PLB1: variants seen among roughly 807,000 people sequenced by gnomAD.
PLB1 encodes phospholipase B1.
A neutral mutation model predicts 227.4 loss-of-function variants in PLB1; 242 were observed. The observed-to-expected ratio is 1.06, with a 90% CI of 0.96 to 1.18. PLB1 has a LOEUF of 1.18. Among genes scored for constraint, PLB1 ranks in the 50% most tolerant of loss-of-function variants. The pLI is 0.00. For synonymous variants in PLB1, 757 were observed against 682.2 expected, an observed-to-expected ratio of 1.11 and a Z score of -1.71; for missense variants, 1,858 against 1,816.3, an observed-to-expected ratio of 1.02 and a Z score of -0.42.
intron 17 of PLB1, among the ~76,000 whole-genome samples, chr2:28,561,103 T>TAGC (rs1675994982): frequency 6.6e-6 from 1 of 152,234 alleles, no homozygotes; most frequent in Admixed American, 6.5e-5. Context: ...TCCAGCTCTA[T>TAGC]AGCTTCACAT....
Position 28,529,402 on chromosome 2 carries a change from TGC to T in PLB1, c.412_413del (p.Ala138Ter). ...TGKRVIPHDG[A>X]EDLWIQAQEL... ...GAAAGAGAGTCATACCCCACGATGG[TGC>T]TGAGTAAGTTCCCTTTCTGTCTCTC... On this transcript the variant is annotated frameshift_variant, in exon 7 of 58. Coordinates refer to ENST00000327757, the MANE Select transcript of PLB1 (RefSeq NM_153021.5). LOFTEE classifies it high-confidence loss of function. 6.3e-7 allele frequency: 1 copy of T among 1,597,966 alleles called. No individual in the cohort carries two copies. The highest frequency in any genetic ancestry group is 8.6e-7 in the Non-Finnish European group (1 of 1,165,316).
At chr2:28,601,793 G>A (rs1403050190) in intron 37 of PLB1, 106 bp from the exon 38 acceptor site, 1 of 943,784 alleles carries the variant, frequency 1.1e-6, no homozygotes, top group Non-Finnish European at 1.7e-6. Flanking sequence ...GAGGCTAGAG[G>A]GGGAACAAGT....
Position 28,573,318 on chromosome 2 carries a change from G to T in PLB1, c.1433+13G>T. ...GAGGCCGAGCTGAGTAAGCAGGGGT[G>T]ACCGGGGCGGTGAACAGCACAGGTC... is the stretch of plus-strand genomic sequence containing the variant. On this transcript the variant is annotated intron_variant, in intron 21 of 57. Transcript: ENST00000327757. 2.5e-6 allele frequency: 4 copies of T among 1,597,862 alleles called. No individual in the cohort carries two copies. Among genetic ancestry groups the T allele is most frequent in the South Asian group, 2.2e-5 (2 of 90,600 alleles).
chr2:28,593,746 G>C lies in PLB1; in HGVS notation c.2313G>C (p.Leu771=). ...ATGTCACCACACAGTATCGGGGACT[G>C]TCATACAGGTAATGTTAACCTTTGA... The part of the protein sequence containing the change: ...LPDVTTQYRG[L]SYSAGGDGSL... The change falls in exon 33 of 58, where the codon CTG becomes CTC. Residue 771 remains leucine, a synonymous_variant. Transcript: ENST00000327757. 1 of 1,613,838 alleles carries C rather than the reference G, an allele frequency of 6.2e-7. No individual in the cohort carries two copies. The highest frequency in any genetic ancestry group is 1.1e-5 in the South Asian group (1 of 91,040).
At chr2:28,550,525 A>AT (rs34468949) in intron 16 of PLB1, among the ~76,000 whole-genome samples, 4,455 of 132,192 alleles carry the variant, frequency 0.034, 163 homozygotes, top group African/African-American at 0.098. Context: ...CCTCAATACA[A>AT]TTTTTTTTTT....
At chr2:28,529,837 C>A (rs1670784674) in intron 8 of PLB1, 58 bp downstream of exon 8, 3 of 1,534,976 alleles carry the variant, frequency 2.0e-6, no homozygotes, top group African/African-American at 2.7e-5. Context: ...GCAAGGCGGG[C>A]AGACCGAAGT....
rs912508804 is a variant in PLB1, at chr2:28,589,881, G to A, written c.2016+111G>A. Reference sequence around the variant, plus strand: ...GTGCAGGCCATGTGATTCTATGCACGGCAATGACAAACAAACCCCATCTCC... The same window carrying A: ...GTGCAGGCCATGTGATTCTATGCACAGCAATGACAAACAAACCCCATCTCC... On this transcript the variant is annotated intron_variant, in intron 28 of 57. Coordinates refer to ENST00000327757, the MANE Select transcript of PLB1 (RefSeq NM_153021.5). 1.5e-5 allele frequency: 21 copies of A among 1,357,220 alleles called. No individual in the cohort carries two copies. In the East Asian group the frequency reaches 3.4e-4, roughly 22 times the overall value. 84.1% of individuals were successfully genotyped at this position (1,357,220 alleles called of 1,614,324 possible).
In PLB1 at chr2:28,550,703, G is replaced by T. The variant is rs368594291; in HGVS notation, c.1083+619G>T. 1.9e-4 allele frequency among the ~76,000 whole-genome samples: 29 copies of T among 150,724 alleles called. No individual in the cohort carries two copies. In the East Asian group the frequency reaches 3.6e-3, roughly 19 times the overall value. ...TTATAGGCGCGCAACACCACACCCG[G>T]CTATTTTTTTGTATTTTTAGTAGAG... On this transcript the variant is annotated intron_variant, in intron 16 of 57. Transcript: ENST00000327757.
At chr2:28,500,594 T>C (rs1558621949) in intron 1 of PLB1, among the ~76,000 whole-genome samples, 1 of 152,084 alleles carries the variant, frequency 6.6e-6, no homozygotes, top group Non-Finnish European at 1.5e-5. Context: ...TTCCCTTTTT[T>C]CCCCCACTTA....
At chr2:28,628,518 G>A in intron 51 of PLB1, 45 bp from the exon 52 acceptor site, 6 of 1,571,614 alleles carry the variant, frequency 3.8e-6, no homozygotes, top group Non-Finnish European at 5.3e-6. Flanking sequence ...CATTCTCTCA[G>A]AGCGGGCACC....
intron 21 of PLB1, among the ~76,000 whole-genome samples, chr2:28,575,979 T>A (rs1558804242): frequency 6.6e-6 from 1 of 152,134 alleles, no homozygotes; most frequent in Non-Finnish European, 1.5e-5. Context: ...TGTGGGCTGG[T>A]AGTATAAGAG....
intron 17 of PLB1, among the ~76,000 whole-genome samples, chr2:28,553,437 C>T (rs567618964): frequency 3.3e-5 from 5 of 152,322 alleles, no homozygotes; most frequent in Middle Eastern, 3.4e-3. Flanking sequence ...CTTATGAACG[C>T]GCCATCTTCA....
At chr2:28,532,258 C>T (rs1671116055) in intron 9 of PLB1, 64 bp downstream of exon 9, 18 of 1,342,294 alleles carry the variant, frequency 1.3e-5, no homozygotes, top group Middle Eastern at 3.6e-4. Context: ...GTGAACTAAA[C>T]CTGCCTGATT....
intron 53 of PLB1, among the ~76,000 whole-genome samples, chr2:28,629,729 C>T (rs1046871170): frequency 1.3e-5 from 2 of 152,192 alleles, no homozygotes; most frequent in African/African-American, 2.4e-5. Context: ...GCTCTTATTC[C>T]ATCCTTGATG....
intron 56 of PLB1, among the ~76,000 whole-genome samples, chr2:28,634,025 T>G (rs1689009549): frequency 6.6e-6 from 1 of 152,162 alleles, no homozygotes; most frequent in Non-Finnish European, 1.5e-5. Flanking sequence ...TGACTCACAA[T>G]ATTGACTTTC....
At position 28,614,576 on chromosome 2, in the gene PLB1, G is replaced by A. The variant is rs151288817; in HGVS notation, c.3195+480G>A. ...ATCATTCTAGTGCTGAGGATTCAGA[G>A]CCCATGGTTAATTCCATTGGATTAA... On this transcript the variant is annotated intron_variant, in intron 44 of 57. Coordinates refer to ENST00000327757, the MANE Select transcript of PLB1 (RefSeq NM_153021.5). Among the ~76,000 whole-genome samples, 206 of 152,284 alleles carry A rather than the reference G, an allele frequency of 1.4e-3. 1 individual carries two copies. The highest frequency in any genetic ancestry group is 6.8e-3 in the Middle Eastern group (2 of 294).
At chr2:28,603,698 G>A (rs1162731137) in intron 39 of PLB1, among the ~76,000 whole-genome samples, 2 of 152,180 alleles carry the variant, frequency 1.3e-5, no homozygotes, top group Non-Finnish European at 2.9e-5. Context: ...TCGGTTGCAG[G>A]CCCAGCACCT....
Position 28,553,091 on chromosome 2 carries a change from T to C in PLB1, c.1147+100T>C, listed in dbSNP as rs550771723. 9.8e-5 allele frequency: 100 copies of C among 1,015,256 alleles called. No homozygotes were observed. In the East Asian group the frequency reaches 2.3e-3, roughly 23 times the overall value. 62.9% of individuals were successfully genotyped at this position (1,015,256 alleles called of 1,614,324 possible). A position where few individuals can be genotyped will look rare whatever the true frequency, so the allele number is the denominator to read the frequency against. On this transcript the variant is annotated intron_variant, in intron 17 of 57. Coordinates refer to ENST00000327757, the MANE Select transcript of PLB1 (RefSeq NM_153021.5). Reference sequence around the variant, plus strand: ...ACCTGAAATACTCCCGAGTGGTTTCTCAGGGACAACAGAAATAACTCTGTA... The same window carrying C: ...ACCTGAAATACTCCCGAGTGGTTTCCCAGGGACAACAGAAATAACTCTGTA...
chr2:28,534,474 G>A (rs1178563662), intron 9 of PLB1, among the ~76,000 whole-genome samples: 1 of 152,178 alleles, frequency 6.6e-6, no homozygotes, highest in Non-Finnish European at 1.5e-5. Context: ...GGTAAGTATT[G>A]GTTCATGAGA....
Sources: gnomAD v4.1 joint callset for allele counts (sites outside exome capture counted in the v4.1 genomes callset) on GRCh38, gnomAD v4.1.1 for gene constraint, MANE v1.5 for transcripts, NCBI Gene and HGNC (gene_info 2026-07-23, HGNC 2026-07-21) for gene names.